Variants in STAM observed in about 807,000 individuals in gnomAD.
The protein encoded by STAM is signal transducing adaptor molecule.
STAM carries 16 observed loss-of-function variants against 63.4 expected under a neutral mutation model. That is an observed-to-expected ratio of 0.25 (90% CI 0.17 to 0.38). The LOEUF is 0.38. Among genes scored for constraint, STAM ranks in the 10% least tolerant of loss-of-function variants. STAM has a pLI of 1.00. For missense variants in STAM, 636 were observed against 657.1 expected (o/e 0.97, Z 0.35); for synonymous variants, 238 against 223.9 (o/e 1.06, Z -0.56).
intron 1 of STAM, among the ~76,000 whole-genome samples, chr10:17,648,584 C>G (rs1161092487): frequency 6.6e-6 from 1 of 152,168 alleles, no homozygotes; most frequent in Non-Finnish European, 1.5e-5. Flanking sequence ...TTCTTGACGT[C>G]AGCGAGACCA....
At chr10:17,693,994 A>T (rs577496761) in intron 6 of STAM, among the ~76,000 whole-genome samples, 11 of 152,152 alleles carry the variant, frequency 7.2e-5, no homozygotes, top group Non-Finnish European at 1.5e-4. Flanking sequence ...GGTAGGTTTA[A>T]AATGATGTCC....
intron 13 of STAM, among the ~76,000 whole-genome samples, chr10:17,711,009 T>C (rs1425427168): frequency 6.6e-6 from 1 of 152,034 alleles, no homozygotes; most frequent in Non-Finnish European, 1.5e-5. Context: ...GATGAGGAAA[T>C]TGGAAGGAGC....
chr10:17,653,123 T>G (rs530542427), intron 1 of STAM, among the ~76,000 whole-genome samples: 1 of 152,306 alleles, frequency 6.6e-6, no homozygotes, highest in African/African-American at 2.4e-5. Flanking sequence ...ATTTGGGCTT[T>G]GAGTCATAGG....
intron 2 of STAM, among the ~76,000 whole-genome samples, chr10:17,677,930 T>C (rs1484425214): frequency 6.6e-6 from 1 of 151,904 alleles, no homozygotes; most frequent in Non-Finnish European, 1.5e-5. Flanking sequence ...TTTCCAGGGC[T>C]CATTGGAGTT....
chr10:17,693,264 G>A lies in STAM; in HGVS notation c.487G>A (p.Asp163Asn). The A allele has an allele frequency of 1.2e-6, 2 of 1,613,542 alleles. No individual in the cohort carries two copies. Among genetic ancestry groups the A allele is most frequent in the East Asian group, 2.2e-5 (1 of 44,882 alleles). ...AGCAAGCCCAGCTCTTGTAGCCAAG[G>A]ATCCTGGTACTGTGGCTAACAAAAA... is the stretch of plus-strand genomic sequence containing the variant. ...AKASPALVAK[D>N]PGTVANKKEE... The change falls in exon 6 of 14, where the codon GAT (aspartate) becomes AAT (asparagine). Residue 163 changes from aspartate to asparagine, a missense_variant. Around this residue, in one of 3 missense-constraint regions of STAM, gnomAD observed 532 missense variants for 536.9 expected, o/e 0.99. Coordinates refer to ENST00000377524, the MANE Select transcript of STAM (RefSeq NM_003473.4).
At chr10:17,689,173 C>A (rs782505227) in intron 5 of STAM, among the ~76,000 whole-genome samples, 37 of 152,148 alleles carry the variant, frequency 2.4e-4, no homozygotes, top group Non-Finnish European at 4.4e-5. Context: ...TTTTGGGTAA[C>A]CTTCCTTTAG....
At chr10:17,660,125 GTAAA>G (rs1316242659) in intron 1 of STAM, among the ~76,000 whole-genome samples, 2 of 151,810 alleles carry the variant, frequency 1.3e-5, no homozygotes, top group African/African-American at 4.8e-5. Flanking sequence ...TTACTAGCAA[GTAAA>G]TAATCTTTTG....
chr10:17,716,581 C>T lies in STAM; in HGVS notation c.*1801C>T, dbSNP rs1836824859. On this transcript the variant is annotated 3_prime_UTR_variant, in exon 14 of 14. Coordinates refer to ENST00000377524, the MANE Select transcript of STAM (RefSeq NM_003473.4). ...ATTATGGTTTAACTGATATACTTTTCTGCAATTTTTCTTTGTCTTTTGATA... is the reference window on the plus strand; with the variant it reads ...ATTATGGTTTAACTGATATACTTTTTTGCAATTTTTCTTTGTCTTTTGATA... 6.6e-6 allele frequency among the ~76,000 whole-genome samples: 1 copy of T among 152,096 alleles called. No individual in the cohort carries two copies.
chr10:17,696,620 C>G (rs1835769998), intron 7 of STAM, 155 bp from the exon 8 acceptor site: 2 of 566,770 alleles, frequency 3.5e-6, no homozygotes, highest in South Asian at 2.6e-5. Context: ...GAGGCTTCTT[C>G]TTCTTTTGTA....
At chr10:17,663,115 G>C (rs1195335230) in intron 2 of STAM, among the ~76,000 whole-genome samples, 1 of 152,030 alleles carries the variant, frequency 6.6e-6, no homozygotes, top group African/African-American at 2.4e-5. Context: ...TGTTTTTCCA[G>C]TTAAAAAATC....
intron 2 of STAM, among the ~76,000 whole-genome samples, chr10:17,664,167 A>G (rs72780796): frequency 0.2 from 30,772 of 152,104 alleles, 3,862 homozygotes; most frequent in Non-Finnish European, 0.28. Flanking sequence ...ATTGGGTTAC[A>G]TATTCACAGA....
At chr10:17,653,170 C>G (rs1170381489) in intron 1 of STAM, among the ~76,000 whole-genome samples, 1 of 152,102 alleles carries the variant, frequency 6.6e-6, no homozygotes, top group African/African-American at 2.4e-5. Flanking sequence ...AGATTAAGTT[C>G]CACTGTGTGG....
At chr10:17,710,892 A>G (rs1187828419) in intron 13 of STAM, among the ~76,000 whole-genome samples, 1 of 152,240 alleles carries the variant, frequency 6.6e-6, no homozygotes, top group South Asian at 2.1e-4. Flanking sequence ...TTAAATATCT[A>G]TATATAAAGG....
intron 9 of STAM, among the ~76,000 whole-genome samples, chr10:17,703,838 G>A (rs782294008): frequency 6.6e-6 from 1 of 152,154 alleles, no homozygotes; most frequent in African/African-American, 2.4e-5. Flanking sequence ...GAGCAGCTGT[G>A]ATACAGCTGA....
Position 17,688,022 on chromosome 10 carries a change from T to A in STAM, c.298-5T>A, listed in dbSNP as rs1554826281. ...TGCTCTTTTATTTCTTTTTCTATTT[T>A]ACAGGGTCATCCTAAAGTATGTGAA... On this transcript the variant is annotated splice_polypyrimidine_tract_variant and splice_region_variant and intron_variant, in intron 4 of 13. Coordinates refer to ENST00000377524, the MANE Select transcript of STAM (RefSeq NM_003473.4). 5 of 1,564,038 alleles carry A rather than the reference T, an allele frequency of 3.2e-6. No homozygotes were observed. In the East Asian group the frequency reaches 1.1e-4, roughly 36 times the overall value.
intron 1 of STAM, 55 bp downstream of exon 1, chr10:17,644,434 G>T: frequency 6.2e-7 from 1 of 1,605,506 alleles, no homozygotes; most frequent in Non-Finnish European, 8.5e-7. Flanking sequence ...CGCTCACTCT[G>T]CCAGCCCCTG....
intron 1 of STAM, among the ~76,000 whole-genome samples, chr10:17,651,124 T>A (rs2131560043): frequency 1.3e-5 from 2 of 151,080 alleles, no homozygotes; most frequent in South Asian, 4.2e-4. Context: ...CACAGTACTT[T>A]GAACTTTTCA....
chr10:17,712,901 G>T (rs1836620757), intron 13 of STAM, among the ~76,000 whole-genome samples: 1 of 152,140 alleles, frequency 6.6e-6, no homozygotes, highest in African/African-American at 2.4e-5. Flanking sequence ...TACGTGAGGG[G>T]TGCAGCTGCA....
chr10:17,700,242 C>A lies in STAM; in HGVS notation c.875C>A (p.Thr292Lys), dbSNP rs1835931966. ...TTTAGTGATGATGTTCAGGTAGAGACAATAGAACCAGAGCCGGAACCAGCC... is the reference window on the plus strand; with the variant it reads ...TTTAGTGATGATGTTCAGGTAGAGAAAATAGAACCAGAGCCGGAACCAGCC... Reference protein sequence around the residue: ...VQFSDDVQVETIEPEPEPAFI... With the variant: ...VQFSDDVQVEKIEPEPEPAFI... The change falls in exon 9 of 14, where the codon ACA (threonine) becomes AAA (lysine). Residue 292 changes from threonine to lysine, a missense_variant. By Grantham distance (78) the Thr-to-Lys change is moderately conservative. Transcript: ENST00000377524. 4.3e-6 allele frequency: 7 copies of A among 1,609,968 alleles called. No individual in the cohort carries two copies. The East Asian group carries it at 1.1e-4, about 26-fold the overall frequency.
Sources: allele counts gnomAD v4.1 joint callset (sites outside exome capture counted in the v4.1 genomes callset), GRCh38; gene constraint gnomAD v4.1.1; regional missense constraint gnomAD v4.1.1; transcripts MANE v1.5; gene names NCBI Gene and HGNC (gene_info 2026-07-23, HGNC 2026-07-21).